Variants in NCOA7 observed in about 807,000 individuals in gnomAD.
NCOA7 encodes 140 kDa estrogen receptor-associated protein.
NCOA7 carries 45 observed loss-of-function variants against 104.3 expected under a neutral mutation model. The ratio of observed to expected loss-of-function variants is 0.43; its 90% CI spans 0.34 to 0.55. The LOEUF (loss-of-function observed/expected upper bound fraction) is 0.55, where lower values mean the gene tolerates loss of function less well. NCOA7 is among the 20% of genes least tolerant of loss of function. NCOA7 has a pLI of 0.02. For missense variants in NCOA7, 1,041 were observed against 1,119.7 expected, an observed-to-expected ratio of 0.93 and a Z score of 1.00; for synonymous variants, 398 against 402.3, an observed-to-expected ratio of 0.99 and a Z score of 0.13.
intron 12 of NCOA7, 122 bp from the exon 13 acceptor site, chr6:125,922,560 G>T: frequency 8.9e-7 from 1 of 1,123,876 alleles, no homozygotes; most frequent in South Asian, 1.5e-5. Context: ...GCCAGAATAA[G>T]GAGGGGCACT....
At chr6:125,873,320 T>C in intron 3 of NCOA7, among the ~76,000 whole-genome samples, 1 of 152,342 alleles carries the variant, frequency 6.6e-6, no homozygotes, top group East Asian at 1.9e-4. Context: ...CACTTCACAC[T>C]ATTCTATTGT....
chr6:125,900,028 A>G (rs778157211), intron 10 of NCOA7: 54 of 533,144 alleles, frequency 1.0e-4, no homozygotes, highest in African/African-American at 8.3e-4. Flanking sequence ...GGGAGTAAGT[A>G]TGCAGAAACA....
chr6:125,919,220 A>G, intron 11 of NCOA7: 5 of 1,577,782 alleles, frequency 3.2e-6, no homozygotes, highest in South Asian at 1.2e-5. Flanking sequence ...GGAAACAGAA[A>G]CTCAATCATG....
chr6:125,821,247 A>T (rs1400041099), intron 2 of NCOA7, among the ~76,000 whole-genome samples: 1 of 152,242 alleles, frequency 6.6e-6, no homozygotes, highest in Non-Finnish European at 1.5e-5. Context: ...GATTATCTTC[A>T]TACCAAACAT....
intron 2 of NCOA7, among the ~76,000 whole-genome samples, chr6:125,843,774 C>T (rs1159615758): frequency 6.6e-6 from 1 of 152,146 alleles, no homozygotes; most frequent in African/African-American, 2.4e-5. Flanking sequence ...TCTGCACCAT[C>T]AATTTCTCCA....
chr6:125,878,405 T>A (rs1180624043), intron 5 of NCOA7, 35 bp downstream of exon 5: 1 of 1,480,246 alleles, frequency 6.8e-7, no homozygotes, highest in East Asian at 2.4e-5. Flanking sequence ...ACTCTAGAAA[T>A]TCTGCATTTA....
intron 2 of NCOA7, among the ~76,000 whole-genome samples, chr6:125,829,302 A>G (rs1778938392): frequency 6.6e-6 from 1 of 152,216 alleles, no homozygotes; most frequent in African/African-American, 2.4e-5. Flanking sequence ...CAGATGTACA[A>G]TGCTAGGAGT....
intron 1 of NCOA7, among the ~76,000 whole-genome samples, chr6:125,792,251 C>A (rs767664448): frequency 7.2e-5 from 11 of 152,142 alleles, no homozygotes; most frequent in Non-Finnish European, 1.3e-4. Flanking sequence ...TATAAATAGG[C>A]AAACTCAGTT....
intron 3 of NCOA7, among the ~76,000 whole-genome samples, chr6:125,864,032 G>A (rs1350080897): frequency 7.3e-6 from 1 of 136,192 alleles, no homozygotes; most frequent in African/African-American, 3.1e-5. Context: ...GGGGGGGGCA[G>A]TTTGGCTGTT....
intron 8 of NCOA7, among the ~76,000 whole-genome samples, chr6:125,888,389 A>G (rs551049542): frequency 1.3e-5 from 2 of 152,350 alleles, no homozygotes; most frequent in East Asian, 3.9e-4. Context: ...GATTAGAAGC[A>G]TCAGATCCTA....
chr6:125,788,894 G>A (rs6941823), upstream of NCOA7, among the ~76,000 whole-genome samples: 18,222 of 151,778 alleles, frequency 0.12, 1,459 homozygotes, highest in African/African-American at 0.23. Context: ...TTCATACTCA[G>A]TTATAGGTTT....
chr6:125,907,110 T>C (rs962219648), intron 10 of NCOA7, among the ~76,000 whole-genome samples: 2 of 152,158 alleles, frequency 1.3e-5, no homozygotes, highest in African/African-American at 4.8e-5. Flanking sequence ...TCATTCCTCC[T>C]CCTCTTCCCT....
At chr6:125,816,614 C>T (rs748315198) in intron 2 of NCOA7, among the ~76,000 whole-genome samples, 8 of 152,038 alleles carry the variant, frequency 5.3e-5, no homozygotes, top group Non-Finnish European at 8.8e-5. Context: ...GGATGAGGCA[C>T]CAGAAAGATA....
At chr6:125,804,358 A>G (rs1318841394) in intron 1 of NCOA7, among the ~76,000 whole-genome samples, 1 of 152,178 alleles carries the variant, frequency 6.6e-6, no homozygotes, top group Admixed American at 6.5e-5. Context: ...CTGGTGCCAC[A>G]GCATAGTAGG....
Position 125,922,755 on chromosome 6 carries a change from C to T in NCOA7, c.2444C>T (p.Thr815Ile). Reference sequence around the variant, plus strand: ...GCCTATAGCACGTTAGAGCACGGGACCAGCTTAAAGACGCTCTACCGGAAA... The same window carrying T: ...GCCTATAGCACGTTAGAGCACGGGATCAGCTTAAAGACGCTCTACCGGAAA... ...RLAYSTLEHG[T>I]SLKTLYRKSA... The change falls in exon 13 of 16, where the codon ACC (threonine) becomes ATC (isoleucine). Residue 815 changes from threonine (T) to isoleucine (I), a missense_variant. Thr to Ile is a moderately conservative substitution (Grantham distance 89). Transcript: ENST00000392477. The T allele has an allele frequency of 6.2e-7, 1 of 1,614,052 alleles. No homozygotes were observed. Among genetic ancestry groups the T allele is most frequent in the Admixed American group, 1.7e-5 (1 of 60,008 alleles).
chr6:125,826,105 T>C (rs1458220236), intron 2 of NCOA7, among the ~76,000 whole-genome samples: 1 of 152,018 alleles, frequency 6.6e-6, no homozygotes, highest in East Asian at 1.9e-4. Context: ...GCGGGTGTAT[T>C]GCCTGACCTC....
intron 5 of NCOA7, among the ~76,000 whole-genome samples, chr6:125,880,505 A>G (rs1783735849): frequency 6.6e-6 from 1 of 150,590 alleles, no homozygotes; most frequent in Admixed American, 6.6e-5. Flanking sequence ...CTTTTTATTT[A>G]TTTATTTATT....
intron 2 of NCOA7, among the ~76,000 whole-genome samples, chr6:125,830,729 A>ATGTGTG (rs1395862365): frequency 8.4e-6 from 1 of 119,074 alleles, no homozygotes; most frequent in East Asian, 2.9e-4. Context: ...TTTTATATAT[A>ATGTGTG]TATATATATG....
At chr6:125,913,570 A>G in intron 10 of NCOA7, 1 of 745,956 alleles carries the variant, frequency 1.3e-6, no homozygotes, top group Non-Finnish European at 1.6e-6. Flanking sequence ...ATCTATATTT[A>G]CTTTTGTAAT....
Sources: allele counts gnomAD v4.1 joint callset (sites outside exome capture counted in the v4.1 genomes callset), GRCh38; gene constraint gnomAD v4.1.1; transcripts MANE v1.5; gene names NCBI Gene and HGNC (gene_info 2026-07-23, HGNC 2026-07-21).